The following IL1RAP variants were observed in gnomAD, a reference collection of about 807,000 sequenced individuals.
The protein encoded by IL1RAP is interleukin 1 receptor accessory protein, also known as interleukin-1 receptor accessory protein.
In IL1RAP, 35 loss-of-function variants were observed where a neutral mutation model predicts 60.7. The observed-to-expected ratio is 0.58, with a 90% CI of 0.44 to 0.76. The LOEUF is 0.76. IL1RAP is among the 30% of genes least tolerant of loss of function. The pLI is 0.00. For synonymous variants in IL1RAP, 268 were observed against 250.9 expected (o/e 1.07, Z -0.64); for missense variants, 572 against 693.9 (o/e 0.82, Z 1.97).
At chr3:190,536,484 G>A (rs1577530845) in intron 1 of IL1RAP, among the ~76,000 whole-genome samples, 1 of 152,014 alleles carries the variant, frequency 6.6e-6, no homozygotes, top group South Asian at 2.1e-4. Context: ...CAATAGATTC[G>A]TTTTGTATTT....
At chr3:190,656,519 G>C (rs988001442), downstream of IL1RAP, 33 of 1,537,206 alleles carry the variant, frequency 2.1e-5, no homozygotes, top group Non-Finnish European at 2.7e-5. Context: ...AATGGCACCA[G>C]ATTGGAACCC....
intron 3 of IL1RAP, among the ~76,000 whole-genome samples, chr3:190,566,210 C>T (rs558445479): frequency 6.6e-6 from 1 of 152,266 alleles, no homozygotes; most frequent in African/African-American, 2.4e-5. Context: ...AGCAGATGCT[C>T]AATACATAGG....
intron 3 of IL1RAP, among the ~76,000 whole-genome samples, chr3:190,577,758 C>T (rs985497997): frequency 1.3e-5 from 2 of 152,040 alleles, no homozygotes; most frequent in Non-Finnish European, 2.9e-5. Context: ...TCTTGAATTC[C>T]TGGCCTCAGG....
chr3:190,613,139 A>C (rs1009014797), intron 5 of IL1RAP, among the ~76,000 whole-genome samples: 2 of 152,094 alleles, frequency 1.3e-5, no homozygotes, highest in Non-Finnish European at 2.9e-5. Context: ...GGAGAGAGAG[A>C]TATGTATCCT....
intron 3 of IL1RAP, among the ~76,000 whole-genome samples, chr3:190,576,087 C>G (rs1273234200): frequency 4.6e-5 from 7 of 152,034 alleles, no homozygotes; most frequent in Non-Finnish European, 1.0e-4. Flanking sequence ...TAAATTCCTA[C>G]CTTGTACTTT....
intron 3 of IL1RAP, among the ~76,000 whole-genome samples, chr3:190,590,533 G>T (rs749425189): frequency 6.6e-6 from 1 of 152,134 alleles, no homozygotes; most frequent in African/African-American, 2.4e-5. Flanking sequence ...GGGATTACAA[G>T]GTGTGAGCCA....
chr3:190,519,227 T>G (rs1398972990), intron 1 of IL1RAP, among the ~76,000 whole-genome samples: 1 of 152,214 alleles, frequency 6.6e-6, no homozygotes. Flanking sequence ...CACATCTATT[T>G]GCAAAAGTTA....
intron 11 of IL1RAP, among the ~76,000 whole-genome samples, chr3:190,646,732 C>A (rs1734042706): frequency 6.6e-6 from 1 of 151,834 alleles, no homozygotes; most frequent in South Asian, 2.1e-4. Flanking sequence ...TGTCTACATT[C>A]ATCATTTAAC....
At chr3:190,564,482 T>C (rs1726194896) in intron 3 of IL1RAP, 129 bp downstream of exon 3, 1 of 696,348 alleles carries the variant, frequency 1.4e-6, no homozygotes, top group Non-Finnish European at 2.6e-6. Flanking sequence ...CGGTAGCAAA[T>C]AATCATAAAG....
chr3:190,531,353 G>T (rs916497581), intron 1 of IL1RAP, among the ~76,000 whole-genome samples: 3 of 152,048 alleles, frequency 2.0e-5, no homozygotes, highest in Admixed American at 6.6e-5. Flanking sequence ...TGTAACCCAG[G>T]TGTTACAATT....
chr3:190,620,211 GTGTT>G (rs1225023683), intron 5 of IL1RAP, 60 bp from the exon 6 acceptor site: 13 of 847,862 alleles, frequency 1.5e-5, no homozygotes, highest in Non-Finnish European at 2.4e-5. Context: ...GAGTGTGCGT[GTGTT>G]TGTATGTTTT....
At chr3:190,558,398 C>T (rs1227121283) in intron 2 of IL1RAP, among the ~76,000 whole-genome samples, 3 of 152,084 alleles carry the variant, frequency 2.0e-5, no homozygotes, top group Non-Finnish European at 4.4e-5. Context: ...TTTCATATTC[C>T]ACCAGTATGA....
chr3:190,591,221 C>T (rs1442219282), intron 3 of IL1RAP, among the ~76,000 whole-genome samples: 1 of 152,214 alleles, frequency 6.6e-6, no homozygotes, highest in East Asian at 1.9e-4. Context: ...CCGCTAAACA[C>T]ATTACCAGTG....
chr3:190,628,196 C>T (rs1199511003), intron 8 of IL1RAP, among the ~76,000 whole-genome samples: 3 of 152,110 alleles, frequency 2.0e-5, no homozygotes, highest in African/African-American at 4.8e-5. Context: ...ATGAAGCATA[C>T]CATTACCGAA....
At chr3:190,642,021 G>A (rs1464194842) in intron 9 of IL1RAP, 1 of 152,212 alleles carries the variant, frequency 6.6e-6, no homozygotes, top group Non-Finnish European at 1.5e-5. Context: ...GGCTATACCT[G>A]TGGCAGGATT....
At chr3:190,603,564 A>AT (rs1160882819) in intron 3 of IL1RAP, among the ~76,000 whole-genome samples, 5 of 152,310 alleles carry the variant, frequency 3.3e-5, no homozygotes, top group South Asian at 2.1e-4. Context: ...AAAATAGCTC[A>AT]TTTTTTTATA....
intron 3 of IL1RAP, among the ~76,000 whole-genome samples, chr3:190,589,032 G>C (rs913647708): frequency 5.3e-5 from 8 of 152,152 alleles, no homozygotes; most frequent in Non-Finnish European, 1.0e-4. Context: ...GCATTCCCTA[G>C]CCCCTCTGGT....
At position 190,527,684 on chromosome 3, in the gene IL1RAP, A is replaced by ATT. The variant is rs58914187; in HGVS notation, c.-89+13483_-89+13484dup. ...GGGAACCAATATGGTGCTTGTTTACATTTTTTTTTTTTTTTTTTTGCTTTT... is the reference window on the plus strand; with the variant it reads ...GGGAACCAATATGGTGCTTGTTTACATTTTTTTTTTTTTTTTTTTTTGCTTTT... On this transcript the variant is annotated intron_variant, in intron 1 of 11. Coordinates refer to ENST00000447382, the MANE Select transcript of IL1RAP (RefSeq NM_002182.4). Among the ~76,000 whole-genome samples the ATT allele has an allele frequency of 5.0e-3, 566 of 112,926 alleles. 9 individuals are homozygous for ATT. The highest frequency in any genetic ancestry group is 0.017 in the African/African-American group (501 of 29,936). 74.1% of individuals were successfully genotyped at this position (112,926 alleles called of 152,430 possible).
intron 9 of IL1RAP, among the ~76,000 whole-genome samples, chr3:190,634,707 G>GTTTTTTTTTTGT (rs1733056790): frequency 1.5e-5 from 2 of 134,714 alleles, no homozygotes; most frequent in African/African-American, 5.9e-5. Flanking sequence ...GGCCTGTTGT[G>GTTTTTTTTTTGT]TTTTTTTTTT....
Sources: gnomAD v4.1 joint callset for allele counts (sites outside exome capture counted in the v4.1 genomes callset) on GRCh38, gnomAD v4.1.1 for gene constraint, MANE v1.5 for transcripts, NCBI Gene and HGNC (gene_info 2026-07-23, HGNC 2026-07-21) for gene names.